The following NR2F1-AS1 variants were observed in gnomAD, a reference collection of about 807,000 sequenced individuals.
The protein encoded by NR2F1-AS1 is NR2F1 antisense RNA 1.
intron 4 of NR2F1-AS1, among the ~76,000 whole-genome samples, chr5:93,521,741 G>C (rs907394852): frequency 2.6e-5 from 4 of 152,132 alleles, no homozygotes; most frequent in African/African-American, 9.7e-5. Flanking sequence ...GTGGAGAAAA[G>C]GGAACACTTA....
intron 4 of NR2F1-AS1, among the ~76,000 whole-genome samples, chr5:93,500,330 T>G (rs540609893): frequency 1.3e-5 from 2 of 152,272 alleles, no homozygotes; most frequent in South Asian, 4.1e-4. Flanking sequence ...TCCAAAACAC[T>G]GGGGCCCTTA....
intron 1 of NR2F1-AS1, chr5:93,570,296 C>T (rs1246411684): frequency 6.6e-6 from 1 of 152,424 alleles, no homozygotes; most frequent in African/African-American, 2.4e-5. Context: ...GGCCTTGCTT[C>T]CTACCCCTAC....
intron 1 of NR2F1-AS1, among the ~76,000 whole-genome samples, chr5:93,567,822 T>C (rs1752652216): frequency 6.6e-6 from 1 of 152,236 alleles, no homozygotes; most frequent in Admixed American, 6.5e-5. Context: ...GGCCAGTGAC[T>C]GTATCTTCAG....
intron 4 of NR2F1-AS1, among the ~76,000 whole-genome samples, chr5:93,472,343 A>C (rs1460444481): frequency 6.6e-6 from 1 of 151,892 alleles, no homozygotes; most frequent in Non-Finnish European, 1.5e-5. Flanking sequence ...GTTAAGAGAA[A>C]GACAAATGTT....
chr5:93,458,783 G>A (rs1446189946), intron 4 of NR2F1-AS1, among the ~76,000 whole-genome samples: 3 of 152,166 alleles, frequency 2.0e-5, no homozygotes, highest in Non-Finnish European at 4.4e-5. Flanking sequence ...GCCGAGGAGA[G>A]TGGATCACTT....
At position 93,562,150 on chromosome 5, in the gene NR2F1-AS1, C is replaced by A. The variant is rs141375346; in HGVS notation, n.413+1214G>T. The stretch of plus-strand genomic sequence containing the variant: ...ATCGCTTCTGGCCAGGAGTATAAGG[C>A]CAGCCTGGGCAACATAATGAAACCC... On this transcript the variant is annotated intron_variant and non_coding_transcript_variant, in intron 2 of 5. Transcript: ENST00000660523. Among the ~76,000 whole-genome samples, 774 of 129,582 alleles carry A rather than the reference C, an allele frequency of 6.0e-3. 9 individuals carry two copies. The highest frequency in any genetic ancestry group is 7.5e-3 in the Non-Finnish European group (471 of 62,552). The allele number at this position is 129,582 out of a possible 152,430, so 85.0% of individuals were successfully genotyped here. A position where few individuals can be genotyped will look rare whatever the true frequency, so the allele number is the denominator to read the frequency against.
At chr5:93,456,371 G>T (rs538134017) in intron 4 of NR2F1-AS1, among the ~76,000 whole-genome samples, 1 of 152,178 alleles carries the variant, frequency 6.6e-6, no homozygotes, top group African/African-American at 2.4e-5. Flanking sequence ...AAATAATTGG[G>T]AATAAATTTA....
chr5:93,446,058 A>G (rs1315501066), intron 4 of NR2F1-AS1, among the ~76,000 whole-genome samples: 1 of 152,206 alleles, frequency 6.6e-6, no homozygotes, highest in Non-Finnish European at 1.5e-5. Flanking sequence ...CATCAAAATA[A>G]TAAGAGCTGT....
At chr5:93,492,861 C>T (rs1750882016) in intron 4 of NR2F1-AS1, among the ~76,000 whole-genome samples, 2 of 150,084 alleles carry the variant, frequency 1.3e-5, no homozygotes, top group Admixed American at 6.6e-5. Context: ...AAAAAAAACA[C>T]TCACAAACTA....
At chr5:93,583,474 C>A, upstream of NR2F1-AS1, 1 of 151,728 alleles carries the variant, frequency 6.6e-6, no homozygotes. Context: ...TTTCTCCCTC[C>A]TCCTTGTCTC....
chr5:93,560,892 A>G (rs535765856), intron 2 of NR2F1-AS1, among the ~76,000 whole-genome samples: 2 of 152,358 alleles, frequency 1.3e-5, no homozygotes, highest in African/African-American at 2.4e-5. Context: ...CATATAAAGA[A>G]GTAGAAGAAA....
intron 4 of NR2F1-AS1, among the ~76,000 whole-genome samples, chr5:93,482,897 T>G (rs1010212101): frequency 2.6e-5 from 4 of 152,168 alleles, no homozygotes; most frequent in African/African-American, 7.2e-5. Flanking sequence ...AGACTGCCTT[T>G]CTAGATTTCC....
chr5:93,551,055 A>G (rs956257621), intron 4 of NR2F1-AS1, among the ~76,000 whole-genome samples: 4 of 152,020 alleles, frequency 2.6e-5, no homozygotes, highest in African/African-American at 9.7e-5. Flanking sequence ...TAAATCACAC[A>G]TATTTACTTA....
At chr5:93,532,824 T>C (rs1036899382) in intron 4 of NR2F1-AS1, among the ~76,000 whole-genome samples, 20 of 152,248 alleles carry the variant, frequency 1.3e-4, no homozygotes, top group African/African-American at 4.8e-4. Flanking sequence ...TACTTTTATG[T>C]GTTCATGTCA....
chr5:93,421,234 C>T (rs1749081648), intron 4 of NR2F1-AS1, among the ~76,000 whole-genome samples: 1 of 152,076 alleles, frequency 6.6e-6, no homozygotes, highest in Non-Finnish European at 1.5e-5. Context: ...ATACTTTTAA[C>T]TGATGGAGAC....
intron 1 of NR2F1-AS1, among the ~76,000 whole-genome samples, chr5:93,572,604 C>CGA (rs1752797404): frequency 1.3e-5 from 2 of 152,356 alleles, no homozygotes; most frequent in African/African-American, 4.8e-5. Flanking sequence ...CGAGCCAGGG[C>CGA]TCACCCCACA....
intron 4 of NR2F1-AS1, among the ~76,000 whole-genome samples, chr5:93,424,828 G>T (rs1038251791): frequency 3.5e-4 from 53 of 152,078 alleles, no homozygotes; most frequent in Non-Finnish European, 7.3e-5. Flanking sequence ...TAAAACTCGG[G>T]CAATTTAAAG....
At chr5:93,486,371 GAGA>G (rs879699542) in intron 4 of NR2F1-AS1, among the ~76,000 whole-genome samples, 7 of 151,638 alleles carry the variant, frequency 4.6e-5, no homozygotes, top group Admixed American at 4.6e-4. Flanking sequence ...GAAGAAAAGA[GAGA>G]AGATCAAATA....
chr5:93,570,745 G>A (rs1199071829), intron 1 of NR2F1-AS1: 2 of 152,288 alleles, frequency 1.3e-5, no homozygotes, highest in Admixed American at 6.5e-5. Flanking sequence ...TCAGTGCGCA[G>A]ATACCGCGGC....
Sources: allele counts gnomAD v4.1 joint callset (sites outside exome capture counted in the v4.1 genomes callset), GRCh38; gene constraint gnomAD v4.1.1; transcripts MANE v1.5; gene names NCBI Gene and HGNC (gene_info 2026-07-23, HGNC 2026-07-21).